OR4K14: variants seen among roughly 807,000 people sequenced by gnomAD.
OR4K14 encodes olfactory receptor family 4 subfamily K member 14, also known as olfactory receptor 4K14.
For missense variants in OR4K14, 406 were observed against 373.6 expected (o/e 1.09, Z -0.72); for synonymous variants, 153 against 141.5 (o/e 1.08, Z -0.58).
rs1323971106 is a variant in OR4K14, at chr14:20,016,866, C to A, written c.-29-1644G>T. Among the ~76,000 whole-genome samples the A allele has an allele frequency of 4.0e-5, 6 of 151,816 alleles. No homozygotes were observed. The East Asian group carries it at 1.2e-3, about 29-fold the overall frequency. On this transcript the variant is annotated intron_variant, in intron 1 of 1. Coordinates refer to ENST00000641793, the MANE Select transcript of OR4K14 (RefSeq NM_001004712.2). Reference sequence around the variant, plus strand: ...TTATTAATATATTTCTTCATAATCACGCTTTTAATTTGTTGTAATTATAAT... The same window carrying A: ...TTATTAATATATTTCTTCATAATCAAGCTTTTAATTTGTTGTAATTATAAT...
chr14:20,015,333 T>C (rs1877075241), intron 1 of OR4K14, 111 bp from the exon 2 acceptor site: 2 of 561,246 alleles, frequency 3.6e-6, no homozygotes, highest in Middle Eastern at 3.9e-4. Flanking sequence ...ACTTAATATG[T>C]GGAATCTAAA....
intron 1 of OR4K14, among the ~76,000 whole-genome samples, chr14:20,016,518 T>C (rs1877103234): frequency 6.6e-6 from 1 of 152,144 alleles, no homozygotes; most frequent in Non-Finnish European, 1.5e-5. Context: ...ATAATATCTC[T>C]GAGGAAAATT....
chr14:20,016,866 C>T (rs1323971106), intron 1 of OR4K14, among the ~76,000 whole-genome samples: 1 of 151,700 alleles, frequency 6.6e-6, no homozygotes, highest in Non-Finnish European at 1.5e-5. Context: ...TTCATAATCA[C>T]GCTTTTAATT....
Position 20,015,272 on chromosome 14 carries a change from T to C in OR4K14, c.-29-50A>G, listed in dbSNP as rs1001328735. 4.9e-6 allele frequency: 4 copies of C among 820,874 alleles called. No individual in the cohort carries two copies. In the East Asian group the frequency reaches 1.0e-4, roughly 21 times the overall value. 50.8% of individuals were successfully genotyped at this position (820,874 alleles called of 1,614,324 possible). On this transcript the variant is annotated intron_variant, in intron 1 of 1. Transcript: ENST00000641793. ...ATTTGCAGCAACACCTCAAGGACATTGTATTAAGTGAAATAAGCCAGGCAC... is the reference window on the plus strand; with the variant it reads ...ATTTGCAGCAACACCTCAAGGACATCGTATTAAGTGAAATAAGCCAGGCAC...
Position 20,014,414 on chromosome 14 carries a change from C to T in OR4K14, c.780G>A (p.Val260=), listed in dbSNP as rs779289364. The T allele has an allele frequency of 6.2e-7, 1 of 1,614,002 alleles. No individual in the cohort carries two copies. Among genetic ancestry groups the T allele is most frequent in the Non-Finnish European group, 8.5e-7 (1 of 1,179,990 alleles). ...CCACAGAGAACCTACTGAAAGGCCG[C>T]ACATAAACAAAAATGCAAGGGCCAA... is the stretch of plus-strand genomic sequence containing the variant. ...LFFGPCIFVY[V]RPFSRFSVDK... The change falls in exon 2 of 2, where the codon GTG becomes GTA. Residue 260 remains valine, a synonymous_variant. Transcript: ENST00000641793.
intron 1 of OR4K14, among the ~76,000 whole-genome samples, chr14:20,016,347 G>A (rs374506508): frequency 1.1e-3 from 168 of 151,506 alleles, no homozygotes; most frequent in African/African-American, 3.8e-3. Flanking sequence ...AAGCTAAAAC[G>A]CATGTTTTGG....
intron 1 of OR4K14, among the ~76,000 whole-genome samples, chr14:20,017,448 C>T (rs914869073): frequency 3.3e-5 from 5 of 151,798 alleles, no homozygotes; most frequent in Admixed American, 1.3e-4. Context: ...TATTTTTGCT[C>T]TTATCATTTT....
At position 20,014,684 on chromosome 14, in the gene OR4K14, A is replaced by C. The variant is rs766738909; in HGVS notation, c.510T>G (p.Cys170Trp). The change falls in exon 2 of 2, where the codon TGT (cysteine) becomes TGG (tryptophan). Residue 170 changes from cysteine (C) to tryptophan (W), a missense_variant. Coordinates refer to ENST00000641793, the MANE Select transcript of OR4K14 (RefSeq NM_001004712.2). ...QVAFTVNLPY[C>W]GPNEVDSFFC... ...AGAAGCTGTCTACCTCATTGGGGCC[A>C]CAGTAAGGCAAATTTACAGTGAAAG... is the stretch of plus-strand genomic sequence containing the variant. 6.2e-7 allele frequency: 1 copy of C among 1,614,154 alleles called. No homozygotes were observed. The highest frequency in any genetic ancestry group is 8.5e-7 in the Non-Finnish European group (1 of 1,180,004).
At chr14:20,018,500 A>T (rs1164748549) in intron 1 of OR4K14, among the ~76,000 whole-genome samples, 1 of 152,044 alleles carries the variant, frequency 6.6e-6, no homozygotes, top group Admixed American at 6.6e-5. Context: ...TAGCACATAT[A>T]TCACAGGTCA....
rs185902517 is a variant in OR4K14, at chr14:20,015,086, C to T, written c.108G>A (p.Val36=). The T allele has an allele frequency of 6.2e-7, 1 of 1,613,612 alleles. No individual in the cohort carries two copies. Among genetic ancestry groups the T allele is most frequent in the East Asian group, 2.2e-5 (1 of 44,880 alleles). Residue 36 remains valine (V), a synonymous_variant, in exon 2 of 2, where the codon GTG becomes GTA. Coordinates refer to ENST00000641793, the MANE Select transcript of OR4K14 (RefSeq NM_001004712.2). ...FFFIFFFGVY[V]AIMLGNLLIL... is the part of the protein sequence containing the mutation. ...TGAGAAGGTTACCCAGCATAATGGC[C>T]ACATAGACCCCAAAGAAAAATATAA...
intron 1 of OR4K14, among the ~76,000 whole-genome samples, chr14:20,015,430 C>A (rs1357373213): frequency 2.0e-5 from 3 of 152,006 alleles, no homozygotes; most frequent in Non-Finnish European, 4.4e-5. Flanking sequence ...CGTCAAAGAA[C>A]AAAGTTTCAA....
chr14:20,016,706 A>T (rs1239000334), intron 1 of OR4K14, among the ~76,000 whole-genome samples: 1 of 152,184 alleles, frequency 6.6e-6, no homozygotes, highest in Non-Finnish European at 1.5e-5. Flanking sequence ...GACACGATTT[A>T]CTTACAGACT....
rs1357578801 is a variant in OR4K14 at position 20,015,082 on chromosome 14, T to C, written c.112A>G (p.Ile38Val). ...AAAATGAGAAGGTTACCCAGCATAATGGCCACATAGACCCCAAAGAAAAAT... is the reference window on the plus strand; with the variant it reads ...AAAATGAGAAGGTTACCCAGCATAACGGCCACATAGACCCCAAAGAAAAAT... The part of the protein sequence containing the change: ...FIFFFGVYVA[I>V]MLGNLLILVT... The change falls in exon 2 of 2, where the codon ATT becomes GTT. Residue 38 changes from isoleucine (I) to valine (V), a missense_variant. Physicochemically the swap from Ile to Val is conservative, Grantham distance 29 (BLOSUM62 3). Transcript: ENST00000641793. The C allele has an allele frequency of 1.2e-6, 2 of 1,613,790 alleles. No homozygotes were observed. The highest frequency in any genetic ancestry group is 1.6e-4 in the Middle Eastern group (1 of 6,084).
chr14:20,016,329 ATTACT>A (rs1368164086), intron 1 of OR4K14, among the ~76,000 whole-genome samples: 1 of 151,444 alleles, frequency 6.6e-6, no homozygotes, highest in Non-Finnish European at 1.5e-5. Flanking sequence ...AAGGAGAAAA[ATTACT>A]TTAAGCTAAA....
intron 1 of OR4K14, among the ~76,000 whole-genome samples, chr14:20,016,554 T>C (rs1594159400): frequency 6.6e-6 from 1 of 152,172 alleles, no homozygotes; most frequent in Admixed American, 6.5e-5. Flanking sequence ...CTCGTTTACA[T>C]AAAGTTTTAA....
Position 20,015,359 on chromosome 14 carries a change from G to A in OR4K14, c.-29-137C>T, listed in dbSNP as rs1049250724. 2.2e-5 allele frequency: 12 copies of A among 539,224 alleles called. No homozygotes were observed. In the Admixed American group the frequency reaches 2.5e-4, roughly 11 times the overall value. 33.4% of individuals were successfully genotyped at this position (539,224 alleles called of 1,614,324 possible). On this transcript the variant is annotated intron_variant, in intron 1 of 1. Transcript: ENST00000641793. Reference sequence around the variant, plus strand: ...GGAATCTAAAAAAGTCAAACTTACAGAAATAGAAAGTAAAATGGTGGTTAC... The same window carrying A: ...GGAATCTAAAAAAGTCAAACTTACAAAAATAGAAAGTAAAATGGTGGTTAC...
chr14:20,017,613 GA>G lies in OR4K14; in HGVS notation c.-30+1529del, dbSNP rs1877124732. On this transcript the variant is annotated intron_variant, in intron 1 of 1. Transcript: ENST00000641793. ...TAAAAATATTTTAAATTATTATGTGGAAGCTGAGCAAAATAAACTGATGGAG... is the reference window on the plus strand; with the variant it reads ...TAAAAATATTTTAAATTATTATGTGGAGCTGAGCAAAATAAACTGATGGAG... Among the ~76,000 whole-genome samples the G allele has an allele frequency of 3.3e-5, 5 of 151,896 alleles. No individual in the cohort carries two copies. The South Asian group carries it at 1.0e-3, about 32-fold the overall frequency.
rs1378371752 is a variant in OR4K14, at chr14:20,014,978, C to T, written c.216G>A (p.Met72Ile). 1.2e-6 allele frequency: 2 copies of T among 1,614,066 alleles called. No homozygotes were observed. The highest frequency in any genetic ancestry group is 2.2e-5 in the East Asian group (1 of 44,878). Reference sequence around the variant, plus strand: ...TGGGAGTGGCAAATGAGGCCAGCCACATGTCCAGGAAAGCTAGGTTCCCCA... The same window carrying T: ...TGGGAGTGGCAAATGAGGCCAGCCATATGTCCAGGAAAGCTAGGTTCCCCA... ...FLLGNLAFLDMWLASFATPKM... is the reference protein window; with the variant it reads ...FLLGNLAFLDIWLASFATPKM... The change falls in exon 2 of 2, where the codon ATG (methionine) becomes ATA (isoleucine). Residue 72 changes from methionine to isoleucine, a missense_variant. By Grantham distance (10) the Met-to-Ile change is conservative (BLOSUM62 1). Transcript: ENST00000641793.
intron 1 of OR4K14, among the ~76,000 whole-genome samples, chr14:20,017,643 G>T (rs1382545019): frequency 6.6e-6 from 1 of 151,956 alleles, no homozygotes; most frequent in East Asian, 1.9e-4. Context: ...GATGGAGATA[G>T]TATAAAAATG....
Sources: allele counts gnomAD v4.1 joint callset (sites outside exome capture counted in the v4.1 genomes callset), GRCh38; gene constraint gnomAD v4.1.1; transcripts MANE v1.5; gene names NCBI Gene and HGNC (gene_info 2026-07-23, HGNC 2026-07-21).